The following PHACTR1 variants were observed in gnomAD, a reference collection of about 807,000 sequenced individuals.
The protein encoded by PHACTR1 is RPEL repeat containing 1.
In PHACTR1, 16 loss-of-function variants were observed where a neutral mutation model predicts 69.2. The ratio of observed to expected loss-of-function variants is 0.23; its 90% confidence interval spans 0.16 to 0.35. The LOEUF is 0.35. PHACTR1 is among the 10% of genes least tolerant of loss of function. The probability of loss-of-function intolerance (pLI) is 1.00; values close to 1 mark genes in which losing one functional copy is unlikely to be tolerated. For synonymous variants in PHACTR1, 312 were observed against 284.5 expected (o/e 1.10, Z -0.97); for missense variants, 510 against 734.7 (o/e 0.69, Z 3.54).
At chr6:13,002,600 T>C (rs991145775) in intron 4 of PHACTR1, among the ~76,000 whole-genome samples, 1 of 152,184 alleles carries the variant, frequency 6.6e-6, no homozygotes, top group African/African-American at 2.4e-5. Flanking sequence ...TATTGGTTGA[T>C]CATGTGCAAC....
At chr6:12,865,159 G>T (rs1199070310) in intron 4 of PHACTR1, among the ~76,000 whole-genome samples, 3 of 152,142 alleles carry the variant, frequency 2.0e-5, no homozygotes, top group African/African-American at 7.2e-5. Context: ...AACTATGATG[G>T]ATAGCCACCG....
At chr6:13,099,242 A>G (rs1814754673) in intron 5 of PHACTR1, among the ~76,000 whole-genome samples, 2 of 152,224 alleles carry the variant, frequency 1.3e-5, no homozygotes, top group Admixed American at 1.3e-4. Flanking sequence ...CATGCCTTTT[A>G]GTTTCCCTCG....
At chr6:12,777,661 T>A (rs2127637674) in intron 4 of PHACTR1, among the ~76,000 whole-genome samples, 1 of 139,424 alleles carries the variant, frequency 7.2e-6, no homozygotes, top group Non-Finnish European at 1.5e-5. Flanking sequence ...AGACAGAGTC[T>A]TGCTCTGTCA....
intron 5 of PHACTR1, among the ~76,000 whole-genome samples, chr6:13,108,030 C>T (rs1423540585): frequency 6.6e-6 from 1 of 152,022 alleles, no homozygotes; most frequent in Non-Finnish European, 1.5e-5. Flanking sequence ...CAGATTTTCA[C>T]TTAAAGCACT....
At chr6:12,848,461 T>C (rs1408347613) in intron 4 of PHACTR1, among the ~76,000 whole-genome samples, 1 of 152,230 alleles carries the variant, frequency 6.6e-6, no homozygotes, top group African/African-American at 2.4e-5. Context: ...GGCGCCCATC[T>C]CATTTCTATT....
At chr6:12,902,294 G>A (rs148634301) in intron 4 of PHACTR1, among the ~76,000 whole-genome samples, 35 of 152,226 alleles carry the variant, frequency 2.3e-4, no homozygotes, top group South Asian at 1.2e-3. Context: ...ATGGTGGCAC[G>A]TACCTGTAAT....
At chr6:13,149,357 CAGTACATGGCATTTCCCAA>C (rs1183346074) in intron 5 of PHACTR1, among the ~76,000 whole-genome samples, 10 of 152,290 alleles carry the variant, frequency 6.6e-5, no homozygotes, top group Middle Eastern at 3.4e-3. Flanking sequence ...GATTCTCCAG[CAGTACATGGCATTTCCCAA>C]AATTATTTGT....
chr6:13,166,496 T>C (rs1759830897), intron 6 of PHACTR1, among the ~76,000 whole-genome samples: 1 of 152,112 alleles, frequency 6.6e-6, no homozygotes, highest in South Asian at 2.1e-4. Context: ...AATGCAGGCA[T>C]GAGGTAATTT....
At chr6:12,772,786 A>T (rs1239092827) in intron 4 of PHACTR1, among the ~76,000 whole-genome samples, 1 of 152,264 alleles carries the variant, frequency 6.6e-6, no homozygotes, top group African/African-American at 2.4e-5. Flanking sequence ...TTAAATGGAA[A>T]GGTCTATGTT....
chr6:12,771,599 C>T (rs1042422066), intron 4 of PHACTR1, among the ~76,000 whole-genome samples: 8 of 152,146 alleles, frequency 5.3e-5, no homozygotes, highest in Non-Finnish European at 1.2e-4. Context: ...CCGGGATGCT[C>T]CAGTAGGACC....
intron 10 of PHACTR1, among the ~76,000 whole-genome samples, chr6:13,230,882 G>A (rs1362809238): frequency 6.6e-6 from 1 of 152,088 alleles, no homozygotes; most frequent in Non-Finnish European, 1.5e-5. Flanking sequence ...GAGATGTGGT[G>A]GCACATGCCT....
rs550370941 is a variant in PHACTR1, at chr6:12,919,752, G to A, written c.251-133613G>A. 3.3e-5 allele frequency among the ~76,000 whole-genome samples: 5 copies of A among 152,284 alleles called. No homozygotes were observed. In the East Asian group the frequency reaches 7.7e-4, roughly 23 times the overall value. ...AGAGAGTTAAATATGTATTATGCCT[G>A]TAGTTAGTGTTTTTATCCCTGCTGG... On this transcript the variant is annotated intron_variant, in intron 4 of 14. Transcript: ENST00000332995.
intron 3 of PHACTR1, among the ~76,000 whole-genome samples, chr6:12,742,522 G>A (rs1429306689): frequency 6.6e-6 from 1 of 152,110 alleles, no homozygotes; most frequent in Non-Finnish European, 1.5e-5. Context: ...TGTATCTTGT[G>A]CCAGCCTCAT....
intron 4 of PHACTR1, chr6:12,933,608 G>A: frequency 6.2e-7 from 1 of 1,611,614 alleles, no homozygotes; most frequent in Non-Finnish European, 8.5e-7. Context: ...ACACCTTAAT[G>A]TCTTCATGTT....
chr6:12,776,624 A>G (rs1770095806), intron 4 of PHACTR1, among the ~76,000 whole-genome samples: 1 of 152,212 alleles, frequency 6.6e-6, no homozygotes, highest in Non-Finnish European at 1.5e-5. Context: ...TTGGAATTTC[A>G]TGTATCCTAA....
chr6:12,732,997 C>T (rs1267252842), intron 3 of PHACTR1, among the ~76,000 whole-genome samples: 1 of 152,196 alleles, frequency 6.6e-6, no homozygotes, highest in African/African-American at 2.4e-5. Flanking sequence ...GTAGACACAA[C>T]AGAATGCAAA....
In PHACTR1 at chr6:12,742,558, T is replaced by TGGG. The variant is rs1244518967; in HGVS notation, c.104-7086_104-7085insGGG. On this transcript the variant is annotated intron_variant, in intron 3 of 14. Coordinates refer to ENST00000332995, the MANE Select transcript of PHACTR1 (RefSeq NM_030948.6). Reference sequence around the variant, plus strand: ...ATCTCTTCCTGTGACTTAGAATGCCTAACTTTCTGGGAATGCAGCCTGGTA... The same window carrying TGGG: ...ATCTCTTCCTGTGACTTAGAATGCCTGGGAACTTTCTGGGAATGCAGCCTGGTA... Among the ~76,000 whole-genome samples the TGGG allele has an allele frequency of 2.6e-5, 4 of 152,154 alleles. No individual in the cohort carries two copies. In the East Asian group the frequency reaches 7.7e-4, roughly 29 times the overall value.
At chr6:13,097,426 G>T (rs4357136) in intron 5 of PHACTR1, among the ~76,000 whole-genome samples, 83,863 of 152,026 alleles carry the variant, frequency 0.55, 23,564 homozygotes, top group East Asian at 0.83. Flanking sequence ...ATTCATTGTG[G>T]TAATTTATTT....
intron 10 of PHACTR1, among the ~76,000 whole-genome samples, chr6:13,262,536 C>T (rs1477320095): frequency 6.6e-6 from 1 of 152,168 alleles, no homozygotes; most frequent in Non-Finnish European, 1.5e-5. Context: ...TAAATAGTTA[C>T]TAAATGAGCA....
Sources: gnomAD v4.1 joint callset for allele counts (sites outside exome capture counted in the v4.1 genomes callset) on GRCh38, gnomAD v4.1.1 for gene constraint, MANE v1.5 for transcripts, NCBI Gene and HGNC (gene_info 2026-07-23, HGNC 2026-07-21) for gene names.